ENTPD1: variants seen among roughly 807,000 people sequenced by gnomAD.
The protein encoded by ENTPD1 is ectonucleoside triphosphate diphosphohydrolase 1.
ENTPD1 carries 33 observed loss-of-function variants against 57.0 expected under a neutral mutation model. That is an observed-to-expected ratio of 0.58 (90% confidence interval 0.44 to 0.77). The LOEUF (loss-of-function observed/expected upper bound fraction) is 0.77. Ranked by LOEUF, ENTPD1 falls within the 30% of genes least tolerant of loss-of-function variation. The probability of loss-of-function intolerance (pLI) is 0.00; values close to 1 mark genes in which losing one functional copy is unlikely to be tolerated. For missense variants in ENTPD1, 501 were observed against 603.4 expected, an observed-to-expected ratio of 0.83 and a Z score of 1.78; for synonymous variants, 202 against 218.8, an observed-to-expected ratio of 0.92 and a Z score of 0.68.
chr10:95,717,639 T>C (rs1029028572), intron 1 of ENTPD1, among the ~76,000 whole-genome samples: 1 of 152,162 alleles, frequency 6.6e-6, no homozygotes, highest in Non-Finnish European at 1.5e-5. Flanking sequence ...CCAGCTAGGT[T>C]TAGGAATTCT....
chr10:95,701,722 T>G, the ENTPD1 span, among the ~76,000 whole-genome samples: 5 of 152,274 alleles, frequency 3.3e-5, no homozygotes, highest in Admixed American at 1.3e-4. Context: ...GGCAAAGATT[T>G]TATAGTACAT....
intron 7 of ENTPD1, among the ~76,000 whole-genome samples, chr10:95,858,714 G>C (rs368086990): frequency 1.3e-5 from 2 of 152,176 alleles, no homozygotes; most frequent in Admixed American, 6.5e-5. Flanking sequence ...TGCAGAGCTC[G>C]ACTTCCTAGA....
chr10:95,822,622 T>G (rs944973848), intron 1 of ENTPD1, among the ~76,000 whole-genome samples: 19 of 152,314 alleles, frequency 1.2e-4, no homozygotes, highest in Admixed American at 2.6e-4. Flanking sequence ...AATTCTACTA[T>G]TGGAGCTTTT....
chr10:95,755,181 A>G (rs1351886606), upstream of ENTPD1: 2 of 152,822 alleles, frequency 1.3e-5, no homozygotes, highest in Admixed American at 1.3e-4. Context: ...GGTGCTGGGG[A>G]ACATGGTAGC....
chr10:95,724,297 G>A (rs893494079), intron 1 of ENTPD1, among the ~76,000 whole-genome samples: 1 of 152,026 alleles, frequency 6.6e-6, no homozygotes, highest in African/African-American at 2.4e-5. Flanking sequence ...AGGAAGGATA[G>A]GACAGAATAG....
chr10:95,769,301 C>CT (rs2098105227), intron 1 of ENTPD1, among the ~76,000 whole-genome samples: 1 of 152,124 alleles, frequency 6.6e-6, no homozygotes, highest in Non-Finnish European at 1.5e-5. Context: ...TTTCCTCAGC[C>CT]TTTTTTTGGA....
At chr10:95,721,410 G>A (rs1187478993) in intron 1 of ENTPD1, among the ~76,000 whole-genome samples, 1 of 152,124 alleles carries the variant, frequency 6.6e-6, no homozygotes, top group African/African-American at 2.4e-5. Context: ...ACCAGAGATC[G>A]CCAAACTCTC....
At chr10:95,804,659 C>T (rs2098264804) in intron 1 of ENTPD1, among the ~76,000 whole-genome samples, 1 of 152,068 alleles carries the variant, frequency 6.6e-6, no homozygotes, top group South Asian at 2.1e-4. Context: ...TTGTCTTTTC[C>T]TAATTGATAC....
chr10:95,839,412 G>C, intron 2 of ENTPD1: 1 of 439,244 alleles, frequency 2.3e-6, no homozygotes, highest in Non-Finnish European at 4.2e-6. Flanking sequence ...CTGCACATTA[G>C]AATCACCTAA....
At chr10:95,743,322 A>G (rs1005632062) in intron 1 of ENTPD1, among the ~76,000 whole-genome samples, 24 of 152,308 alleles carry the variant, frequency 1.6e-4, no homozygotes, top group South Asian at 8.3e-4. Flanking sequence ...TGTGTTATCA[A>G]CATGATTTAT....
At chr10:95,773,070 G>T (rs1453913030) in intron 1 of ENTPD1, among the ~76,000 whole-genome samples, 1 of 152,154 alleles carries the variant, frequency 6.6e-6, no homozygotes, top group Non-Finnish European at 1.5e-5. Context: ...GGGAGAGGAA[G>T]CAAAGTATAG....
intron 1 of ENTPD1, among the ~76,000 whole-genome samples, chr10:95,822,878 T>C (rs2098358581): frequency 6.6e-6 from 1 of 152,212 alleles, no homozygotes; most frequent in African/African-American, 2.4e-5. Context: ...ATTTCAAAAA[T>C]GAGGAGGGGT....
chr10:95,844,876 G>T, intron 5 of ENTPD1: 1 of 580,772 alleles, frequency 1.7e-6, no homozygotes, highest in African/African-American at 1.9e-5. Context: ...GAGGCATAAA[G>T]GAAATTAAAA....
intron 1 of ENTPD1, among the ~76,000 whole-genome samples, chr10:95,736,162 G>A (rs566575639): frequency 1.3e-5 from 2 of 152,036 alleles, no homozygotes; most frequent in South Asian, 2.1e-4. Context: ...CACCATGCTA[G>A]GCTAATTTTT....
At chr10:95,862,284 C>T (rs893060166) in intron 8 of ENTPD1, among the ~76,000 whole-genome samples, 1 of 152,190 alleles carries the variant, frequency 6.6e-6, no homozygotes, top group African/African-American at 2.4e-5. Context: ...TTCACTTTCC[C>T]AAGCTGCATC....
At chr10:95,709,871 T>C (rs901618111), upstream of ENTPD1, among the ~76,000 whole-genome samples, 16 of 151,644 alleles carry the variant, frequency 1.1e-4, no homozygotes, top group African/African-American at 3.9e-4. Context: ...GTTCAAGCAA[T>C]TCTCCTGCCT....
rs548150212 is a variant in ENTPD1, at chr10:95,876,724, A to G, written c.*10341A>G. 2.8e-6 allele frequency: 3 copies of G among 1,055,078 alleles called. No homozygotes were observed. Among genetic ancestry groups the G allele is most frequent in the Non-Finnish European group, 3.6e-6 (3 of 838,892 alleles). 65.4% of individuals were successfully genotyped at this position (1,055,078 alleles called of 1,614,324 possible). A position where few individuals can be genotyped will look rare whatever the true frequency, so the allele number is the denominator to read the frequency against. ...GGAATATTCAAATATTAACCAAAGT[A>G]GAAAAATATAATACACATCCATGTG... On this transcript the variant is annotated 3_prime_UTR_variant, in exon 10 of 10. Transcript: ENST00000371205.
At chr10:95,856,651 C>CATAT (rs66753059) in intron 7 of ENTPD1, among the ~76,000 whole-genome samples, 18,691 of 141,962 alleles carry the variant, frequency 0.13, 1,496 homozygotes, top group African/African-American at 0.23. Context: ...TATATGTATG[C>CATAT]ATATATATAT....
At chr10:95,838,471 T>A (rs2140778224) in intron 2 of ENTPD1, among the ~76,000 whole-genome samples, 1 of 152,310 alleles carries the variant, frequency 6.6e-6, no homozygotes, top group East Asian at 1.9e-4. Flanking sequence ...TACTTTGCAG[T>A]GATGGAAAAA....
Sources: gnomAD v4.1 joint callset for allele counts (sites outside exome capture counted in the v4.1 genomes callset) on GRCh38, gnomAD v4.1.1 for gene constraint, MANE v1.5 for transcripts, NCBI Gene and HGNC (gene_info 2026-07-23, HGNC 2026-07-21) for gene names.